Variants in RUVBL1 observed in about 807,000 individuals in gnomAD.
RUVBL1 encodes the protein RuvB like AAA ATPase 1, also known as ruvB-like 1.
A neutral mutation model predicts 52.4 loss-of-function variants in RUVBL1; 4 were observed. The observed-to-expected ratio is 0.08, with a 90% confidence interval of 0.04 to 0.17. The LOEUF (loss-of-function observed/expected upper bound fraction) is 0.17, where lower values mean the gene tolerates loss of function less well. Among genes scored for constraint, RUVBL1 ranks in the 10% least tolerant of loss-of-function variants. RUVBL1 has a pLI of 1.00. For synonymous variants in RUVBL1, 217 were observed against 214.4 expected (o/e 1.01, Z -0.10); for missense variants, 298 against 572.8 (o/e 0.52, Z 4.90).
chr3:128,118,571 C>A (rs1439006391), intron 2 of RUVBL1, among the ~76,000 whole-genome samples: 1 of 149,756 alleles, frequency 6.7e-6, no homozygotes, highest in Non-Finnish European at 1.5e-5. Flanking sequence ...TAAGCAAGCT[C>A]AAATTGGGAA....
At chr3:128,148,371 G>A (rs530327880) in intron 1 of RUVBL1, among the ~76,000 whole-genome samples, 8 of 152,218 alleles carry the variant, frequency 5.3e-5, no homozygotes, top group Non-Finnish European at 1.0e-4. Flanking sequence ...GAAAGAAAGA[G>A]AGGAGTCAAG....
chr3:128,076,609 A>T (rs1576434424), downstream of RUVBL1, among the ~76,000 whole-genome samples: 1 of 151,924 alleles, frequency 6.6e-6, no homozygotes, highest in East Asian at 1.9e-4. The surrounding 1 kb of genome is among the most constrained non-coding windows in gnomAD (Gnocchi z 6.8). Context: ...CGCGGTGGGG[A>T]GGTCACAGTA....
At chr3:128,121,731 A>AAC (rs1553730096) in intron 1 of RUVBL1, among the ~76,000 whole-genome samples, 8 of 140,482 alleles carry the variant, frequency 5.7e-5, no homozygotes, top group Admixed American at 1.4e-4. Context: ...AAAAAAAAAA[A>AAC]AAACTACTAT....
At chr3:128,136,639 A>AC (rs1446894750) in intron 1 of RUVBL1, among the ~76,000 whole-genome samples, 1 of 151,628 alleles carries the variant, frequency 6.6e-6, no homozygotes, top group Non-Finnish European at 1.5e-5. Context: ...AAAAAAAAAA[A>AC]ACAATGATCT....
At chr3:128,103,538 A>C (rs1040761995) in intron 4 of RUVBL1, among the ~76,000 whole-genome samples, 8 of 152,262 alleles carry the variant, frequency 5.3e-5, no homozygotes, top group Non-Finnish European at 8.8e-5. Context: ...ATAAAATCGT[A>C]GAACAGAATA....
At chr3:128,148,826 T>C (rs990035074) in intron 1 of RUVBL1, among the ~76,000 whole-genome samples, 1 of 152,220 alleles carries the variant, frequency 6.6e-6, no homozygotes, top group African/African-American at 2.4e-5. Context: ...ACCAATATTA[T>C]CTTAGAGATT....
intron 1 of RUVBL1, among the ~76,000 whole-genome samples, chr3:128,133,396 C>T (rs902120618): frequency 6.6e-6 from 1 of 152,228 alleles, no homozygotes; most frequent in African/African-American, 2.4e-5. Flanking sequence ...CTTAAGTGAA[C>T]ATTGGCAGTA....
intron 1 of RUVBL1, chr3:128,153,185 C>T: frequency 7.9e-7 from 1 of 1,261,784 alleles, no homozygotes; most frequent in Non-Finnish European, 1.0e-6. Context: ...TAGAAAAGTT[C>T]TCCAAGTCTC....
downstream of RUVBL1, among the ~76,000 whole-genome samples, chr3:128,076,256 C>T (rs1382503334): frequency 6.6e-6 from 1 of 152,236 alleles, no homozygotes; most frequent in Non-Finnish European, 1.5e-5. This position sits in a 1 kb window ranked among gnomAD's most constrained non-coding sequence, Gnocchi z 6.8. Flanking sequence ...CCTCCTCACC[C>T]GGTGGGGAGC....
intron 1 of RUVBL1, among the ~76,000 whole-genome samples, chr3:128,119,618 G>C (rs911984113): frequency 2.6e-5 from 4 of 152,182 alleles, no homozygotes; most frequent in African/African-American, 9.6e-5. Context: ...TTTTAGGGAG[G>C]GATACAAACA....
intron 1 of RUVBL1, among the ~76,000 whole-genome samples, chr3:128,148,020 A>C (rs1944129283): frequency 6.6e-6 from 1 of 152,208 alleles, no homozygotes; most frequent in Admixed American, 6.5e-5. Context: ...GTTTGCTTCC[A>C]CTTATATGAT....
Position 128,113,111 on chromosome 3 carries a change from C to A in RUVBL1, c.229-91G>T, listed in dbSNP as rs920399442. The A allele has an allele frequency of 2.1e-6, 3 of 1,425,412 alleles. No homozygotes were observed. In the Admixed American group the frequency reaches 6.2e-5, roughly 30 times the overall value. The allele number at this position is 1,425,412 out of a possible 1,614,324, so 88.3% of individuals were successfully genotyped here. A position where few individuals can be genotyped will look rare whatever the true frequency, so the allele number is the denominator to read the frequency against. ...CTACAGAACCACCAGGAACTAGGAA[C>A]AGCTGAACATCTAGTCCTACCATTT... On this transcript the variant is annotated intron_variant, in intron 2 of 10. Transcript: ENST00000322623.
intron 1 of RUVBL1, among the ~76,000 whole-genome samples, chr3:128,144,249 A>C (rs1317590308): frequency 2.0e-5 from 3 of 152,226 alleles, no homozygotes; most frequent in Admixed American, 6.5e-5. Flanking sequence ...GACTCTTTAA[A>C]GCCAAAACTC....
exon 1 of RUVBL1, chr3:128,153,856 G>T: frequency 2.7e-6 from 4 of 1,472,694 alleles, no homozygotes; most frequent in Non-Finnish European, 3.6e-6. Context: ...GCCGGGCTCA[G>T]GGACGCGGGC....
chr3:128,074,080 C>A (rs772526194), intron 9 of RUVBL1, among the ~76,000 whole-genome samples: 1 of 152,162 alleles, frequency 6.6e-6, no homozygotes, highest in Non-Finnish European at 1.5e-5. Context: ...CATACACTTA[C>A]CCTACACCCA....
downstream of RUVBL1, among the ~76,000 whole-genome samples, chr3:128,078,235 G>A (rs187652325): frequency 1.3e-5 from 2 of 152,278 alleles, no homozygotes; most frequent in East Asian, 3.9e-4. Context: ...AATGGCTAAG[G>A]TTTGCTAACC....
At chr3:128,116,588 T>C (rs999908512) in intron 2 of RUVBL1, among the ~76,000 whole-genome samples, 2 of 152,076 alleles carry the variant, frequency 1.3e-5, no homozygotes, top group South Asian at 4.2e-4. Context: ...TAATCTTTGA[T>C]TGCATTTTGA....
At chr3:128,142,074 G>A (rs368007278) in intron 1 of RUVBL1, 1 of 152,286 alleles carries the variant, frequency 6.6e-6, no homozygotes, top group Non-Finnish European at 1.5e-5. Flanking sequence ...CAGAGGTCAG[G>A]TTAGCAAGGG....
chr3:128,105,863 TTC>T (rs1576461884), intron 3 of RUVBL1, among the ~76,000 whole-genome samples: 1 of 126,666 alleles, frequency 7.9e-6, no homozygotes, highest in African/African-American at 3.4e-5. Flanking sequence ...CTTTCCCTTT[TTC>T]TTTTTTTTTT....
Sources: allele counts gnomAD v4.1 joint callset (sites outside exome capture counted in the v4.1 genomes callset), GRCh38; gene constraint gnomAD v4.1.1; non-coding constraint Gnocchi (gnomAD v3.1); transcripts MANE v1.5; gene names NCBI Gene and HGNC (gene_info 2026-07-23, HGNC 2026-07-21).